The following DR1 variants were observed in gnomAD, a reference collection of about 807,000 sequenced individuals.
The protein encoded by DR1 is protein Dr1.
In DR1, 7 loss-of-function variants were observed where a neutral mutation model predicts 19.9. The observed-to-expected ratio is 0.35, with a 90% CI of 0.20 to 0.66. The LOEUF (loss-of-function observed/expected upper bound fraction) is 0.66. Ranked by LOEUF, DR1 falls within the 30% of genes least tolerant of loss-of-function variation. The pLI, the probability that DR1 is intolerant of heterozygous loss-of-function variation, is 0.66. For synonymous variants in DR1, 76 were observed against 72.5 expected, an observed-to-expected ratio of 1.05 and a Z score of -0.24; for missense variants, 98 against 203.7, an observed-to-expected ratio of 0.48 and a Z score of 3.16.
At chr1:93,358,121 A>C (rs895055691) in intron 2 of DR1, among the ~76,000 whole-genome samples, 1 of 152,156 alleles carries the variant, frequency 6.6e-6, no homozygotes, top group Admixed American at 6.5e-5. Context: ...AAAAATAGAA[A>C]GAAAGAGGGA....
Position 93,368,996 on chromosome 1 carries a change from T to A in DR1, c.*8357T>A, listed in dbSNP as rs1667202807. The stretch of plus-strand genomic sequence containing the variant: ...AAAATAACCCAACAATGAAATAGTA[T>A]AAATTTTAAAAATAATATAACAATA... On this transcript the variant is annotated 3_prime_UTR_variant, in exon 3 of 3. Coordinates refer to ENST00000370272, the MANE Select transcript of DR1 (RefSeq NM_001938.3). The A allele has an allele frequency of 1.3e-5, 2 of 152,038 alleles. No individual in the cohort carries two copies. Among genetic ancestry groups the A allele is most frequent in the South Asian group, 4.1e-4 (2 of 4,828 alleles). The allele number at this position is 152,038 out of a possible 1,614,324, so 9.4% of individuals were successfully genotyped here. A position where few individuals can be genotyped will look rare whatever the true frequency, so the allele number is the denominator to read the frequency against.
In DR1 at chr1:93,366,877, C is replaced by T. The variant is rs1570716715; in HGVS notation, c.*6238C>T. 1 of 152,208 alleles carries T rather than the reference C, an allele frequency of 6.6e-6. No individual in the cohort carries two copies. Among genetic ancestry groups the T allele is most frequent in the Middle Eastern group, 3.4e-3 (1 of 294 alleles). 9.4% of individuals were successfully genotyped at this position (152,208 alleles called of 1,614,324 possible). A position where few individuals can be genotyped will look rare whatever the true frequency, so the allele number is the denominator to read the frequency against. On this transcript the variant is annotated 3_prime_UTR_variant, in exon 3 of 3. Coordinates refer to ENST00000370272, the MANE Select transcript of DR1 (RefSeq NM_001938.3). ...ATTAGCCAGAGGTGGTGGCTTGCAC[C>T]TGTAGTCCCAGCTACTCGGGAGCCT...
chr1:93,362,137 C>T lies in DR1; in HGVS notation c.*1498C>T, dbSNP rs1275153661. 6.6e-6 allele frequency: 1 copy of T among 152,280 alleles called. No homozygotes were observed. The highest frequency in any genetic ancestry group is 2.4e-5 in the African/African-American group (1 of 41,370). The allele number at this position is 152,280 out of a possible 1,614,324, so 9.4% of individuals were successfully genotyped here. ...TAGGTTTCTTAATGATCATATTTTGCAGTTTTAGTAAAAGGGAAATATTGT... is the reference window on the plus strand; with the variant it reads ...TAGGTTTCTTAATGATCATATTTTGTAGTTTTAGTAAAAGGGAAATATTGT... On this transcript the variant is annotated 3_prime_UTR_variant, in exon 3 of 3. Transcript: ENST00000370272.
rs1006073170 is a variant in DR1 at position 93,361,574 on chromosome 1, G to A, written c.*935G>A. On this transcript the variant is annotated 3_prime_UTR_variant, in exon 3 of 3. Transcript: ENST00000370272. ...AATGAGCATGCTTGCTATGAGAGAG[G>A]GATTTTTAATTTAACTTGTAGTTAT... The A allele has an allele frequency of 2.0e-5, 3 of 152,284 alleles. No homozygotes were observed. Among genetic ancestry groups the A allele is most frequent in the Non-Finnish European group, 4.4e-5 (3 of 67,904 alleles). The allele number at this position is 152,284 out of a possible 1,614,324, so 9.4% of individuals were successfully genotyped here. A position where few individuals can be genotyped will look rare whatever the true frequency, so the allele number is the denominator to read the frequency against.
chr1:93,347,916 G>GA (rs1029661213), intron 1 of DR1, among the ~76,000 whole-genome samples: 1 of 151,974 alleles, frequency 6.6e-6, no homozygotes, highest in African/African-American at 2.4e-5. Context: ...TGAAATCAGG[G>GA]AAAAATGATT....
rs1570716870 is a variant in DR1, at chr1:93,367,156, A to C, written c.*6517A>C. 1 of 39,700 alleles carries C rather than the reference A, an allele frequency of 2.5e-5. No homozygotes were observed. The highest frequency in any genetic ancestry group is 1.1e-4 in the Non-Finnish European group (1 of 9,166). The allele number at this position is 39,700 out of a possible 1,614,324, so 2.5% of individuals were successfully genotyped here. On this transcript the variant is annotated 3_prime_UTR_variant, in exon 3 of 3. Coordinates refer to ENST00000370272, the MANE Select transcript of DR1 (RefSeq NM_001938.3). The stretch of plus-strand genomic sequence containing the variant: ...CAGAATGAGACCCTGTCTCAAAAAA[A>C]AAAAAAAAAAGTAAAAATTATTTAC...
chr1:93,348,809 C>T (rs1044138657), intron 1 of DR1, among the ~76,000 whole-genome samples: 3 of 151,910 alleles, frequency 2.0e-5, no homozygotes, highest in South Asian at 2.1e-4. Flanking sequence ...TCTACATTTT[C>T]GCCCAAGAAT....
At chr1:93,355,657 T>A (rs140795144) in intron 2 of DR1, 1 of 152,370 alleles carries the variant, frequency 6.6e-6, no homozygotes, top group East Asian at 1.9e-4. Context: ...TGTCTTCACC[T>A]TTCTATCCCT....
rs1667106636 is a variant in DR1 at position 93,365,047 on chromosome 1, CA to C, written c.*4409del. 6.6e-6 allele frequency: 1 copy of C among 151,864 alleles called. No homozygotes were observed. Among genetic ancestry groups the C allele is most frequent in the South Asian group, 2.1e-4 (1 of 4,816 alleles). 9.4% of individuals were successfully genotyped at this position (151,864 alleles called of 1,614,324 possible). On this transcript the variant is annotated 3_prime_UTR_variant, in exon 3 of 3. Transcript: ENST00000370272. Reference sequence around the variant, plus strand: ...TTTTTTTGTTTTTTTTTAGTAGAGACAGGGTTTCACCGTGTTAGCCAGGATG... The same window carrying C: ...TTTTTTTGTTTTTTTTTAGTAGAGACGGGTTTCACCGTGTTAGCCAGGATG...
rs1035794907 is a variant in DR1, at chr1:93,364,756, AGAAAG to A, written c.*4118_*4122del. 3 of 151,780 alleles carry A rather than the reference AGAAAG, an allele frequency of 2.0e-5. No individual in the cohort carries two copies. The highest frequency in any genetic ancestry group is 7.3e-5 in the African/African-American group (3 of 41,246). The allele number at this position is 151,780 out of a possible 1,614,324, so 9.4% of individuals were successfully genotyped here. On this transcript the variant is annotated 3_prime_UTR_variant, in exon 3 of 3. Transcript: ENST00000370272. The stretch of plus-strand genomic sequence containing the variant: ...CTATTTCCTCAAAATAAATGAGAAG[AGAAAG>A]TAAGGAATAAGAGGAAGAAACTTTT...
rs144033688 is a variant in DR1 at position 93,366,752 on chromosome 1, T to G, written c.*6113T>G. 39 of 152,278 alleles carry G rather than the reference T, an allele frequency of 2.6e-4. No homozygotes were observed. The highest frequency in any genetic ancestry group is 9.1e-4 in the African/African-American group (38 of 41,566). 9.4% of individuals were successfully genotyped at this position (152,278 alleles called of 1,614,324 possible). A position where few individuals can be genotyped will look rare whatever the true frequency, so the allele number is the denominator to read the frequency against. ...GACATGGTGGCTTACGCCTGTAATC[T>G]CAACACTGGGAAGTCGAGGTGGGCA... is the stretch of plus-strand genomic sequence containing the variant. On this transcript the variant is annotated 3_prime_UTR_variant, in exon 3 of 3. Coordinates refer to ENST00000370272, the MANE Select transcript of DR1 (RefSeq NM_001938.3).
chr1:93,360,664 C>A lies in DR1; in HGVS notation c.*25C>A. 6 of 1,575,836 alleles carry A rather than the reference C, an allele frequency of 3.8e-6. No individual in the cohort carries two copies. The highest frequency in any genetic ancestry group is 1.4e-5 in the African/African-American group (1 of 72,136). On this transcript the variant is annotated 3_prime_UTR_variant, in exon 3 of 3. Transcript: ENST00000370272. ...AAATTCACCAGCTGAGTTTCTATTT[C>A]TTCTATAAATGTTTTTCCCTGCACA...
rs1288037553 is a variant in DR1 at position 93,346,171 on chromosome 1, C to T, written c.-475C>T. ...AAGGATGGTTTGGCCGAGGCGGCGG[C>T]AACGGCTGCTGGCGGCGGCGGCAGC... On this transcript the variant is annotated 5_prime_UTR_variant, in exon 1 of 3. The change creates a premature stop within an existing upstream ORF in the 5' untranslated region. Coordinates refer to ENST00000370272, the MANE Select transcript of DR1 (RefSeq NM_001938.3). 1.8e-5 allele frequency: 4 copies of T among 226,442 alleles called. No homozygotes were observed. The highest frequency in any genetic ancestry group is 7.2e-5 in the African/African-American group (3 of 41,764). The allele number at this position is 226,442 out of a possible 1,614,324, so 14.0% of individuals were successfully genotyped here. A position where few individuals can be genotyped will look rare whatever the true frequency, so the allele number is the denominator to read the frequency against.
intron 1 of DR1, 84 bp downstream of exon 1, chr1:93,346,949 C>T: frequency 1.7e-6 from 2 of 1,209,526 alleles, no homozygotes; most frequent in Non-Finnish European, 2.4e-6. Flanking sequence ...TCAAAGCCTC[C>T]ATTCCTCTTC....
In DR1 at chr1:93,366,998, T is replaced by C. The variant is rs1667171676; in HGVS notation, c.*6359T>C. The C allele has an allele frequency of 6.7e-6, 1 of 148,808 alleles. No individual in the cohort carries two copies. Among genetic ancestry groups the C allele is most frequent in the Non-Finnish European group, 1.5e-5 (1 of 67,258 alleles). The allele number at this position is 148,808 out of a possible 1,614,324, so 9.2% of individuals were successfully genotyped here. On this transcript the variant is annotated 3_prime_UTR_variant, in exon 3 of 3. Transcript: ENST00000370272. ...GTCTGGGCAACAGAGCAAAATCCTA[T>C]CTCAAAAAAAATATATATATTATCC...
chr1:93,348,135 A>G (rs1482496313), intron 1 of DR1, among the ~76,000 whole-genome samples: 1 of 152,086 alleles, frequency 6.6e-6, no homozygotes, highest in Non-Finnish European at 1.5e-5. Flanking sequence ...TTTAAAATAT[A>G]TCCTGCCATT....
intron 1 of DR1, among the ~76,000 whole-genome samples, chr1:93,352,022 T>C (rs2101636365): frequency 6.6e-6 from 1 of 152,348 alleles, no homozygotes; most frequent in South Asian, 2.1e-4. Context: ...ATTAATTACC[T>C]GTTGATTCCT....
chr1:93,367,706 T>G lies in DR1; in HGVS notation c.*7067T>G, dbSNP rs1264723244. The G allele has an allele frequency of 6.6e-6, 1 of 152,276 alleles. No homozygotes were observed. Among genetic ancestry groups the G allele is most frequent in the African/African-American group, 2.4e-5 (1 of 41,460 alleles). 9.4% of individuals were successfully genotyped at this position (152,276 alleles called of 1,614,324 possible). On this transcript the variant is annotated 3_prime_UTR_variant, in exon 3 of 3. Coordinates refer to ENST00000370272, the MANE Select transcript of DR1 (RefSeq NM_001938.3). ...TGGCCCTGGTTGTAAATAATTGTTT[T>G]TCATCAATGTTATAATGAAATTACA...
chr1:93,365,170 A>ATAGATTGCAGTGGC lies in DR1; in HGVS notation c.*4538_*4551dup, dbSNP rs1054096116. 4 of 152,178 alleles carry ATAGATTGCAGTGGC rather than the reference A, an allele frequency of 2.6e-5. No individual in the cohort carries two copies. Among genetic ancestry groups the ATAGATTGCAGTGGC allele is most frequent in the Admixed American group, 1.3e-4 (2 of 15,280 alleles). 9.4% of individuals were successfully genotyped at this position (152,178 alleles called of 1,614,324 possible). On this transcript the variant is annotated 3_prime_UTR_variant, in exon 3 of 3. Transcript: ENST00000370272. ...CTGCGCCCGGCCTATGTTTCTTAAT[A>ATAGATTGCAGTGGC]TAGATTGCAGTGGCTAGATTACAGT...
Sources: allele counts gnomAD v4.1 joint callset (sites outside exome capture counted in the v4.1 genomes callset), GRCh38; gene constraint gnomAD v4.1.1; transcripts MANE v1.5; gene names NCBI Gene and HGNC (gene_info 2026-07-23, HGNC 2026-07-21).